POLE: variants seen among roughly 807,000 people sequenced by gnomAD.
POLE encodes the protein DNA polymerase epsilon catalytic subunit A.
Under a neutral mutation model 279.2 loss-of-function variants are expected in POLE, and 188 were observed. That is an observed-to-expected ratio of 0.67 (90% CI 0.60 to 0.76). The LOEUF is 0.76. Ranked by LOEUF, POLE falls within the 30% of genes least tolerant of loss-of-function variation. POLE has a pLI of 0.00. For missense variants in POLE, 2,703 were observed against 3,016.7 expected (o/e 0.90, Z 2.44); for synonymous variants, 1,214 against 1,172.5 (o/e 1.04, Z -0.72).
rs376101669 is a variant in POLE at position 132,672,361 on chromosome 12, A to C, written c.1687-39T>G. 1.4e-5 allele frequency: 21 copies of C among 1,497,038 alleles called. No homozygotes were observed. The highest frequency in any genetic ancestry group is 3.6e-4 in the Middle Eastern group (2 of 5,588). The allele number at this position is 1,497,038 out of a possible 1,614,324, so 92.7% of individuals were successfully genotyped here. A position where few individuals can be genotyped will look rare whatever the true frequency, so the allele number is the denominator to read the frequency against. On this transcript the variant is annotated intron_variant, in intron 15 of 48. Coordinates refer to ENST00000320574, the MANE Select transcript of POLE (RefSeq NM_006231.4). Reference sequence around the variant, plus strand: ...GAGACGACGGGGTCAGAGGGGAAACACACCCACACTAGCCTGCCTCAGGTT... The same window carrying C: ...GAGACGACGGGGTCAGAGGGGAAACCCACCCACACTAGCCTGCCTCAGGTT...
chr12:132,625,760 A>AC lies in POLE; in HGVS notation c.6541dup (p.Val2181GlyfsTer123), dbSNP rs1465327497. The AC allele has an allele frequency of 6.2e-7, 1 of 1,611,244 alleles. No individual in the cohort carries two copies. Among genetic ancestry groups the AC allele is most frequent in the Non-Finnish European group, 8.5e-7 (1 of 1,179,992 alleles). The stretch of plus-strand genomic sequence containing the variant: ...GTTGGAGCAGAGCCACTGAGGCAGG[A>AC]CCGCCCCATCCTAGGCAGAGCAAGA... On this transcript the variant is annotated frameshift_variant, in exon 47 of 49. Transcript: ENST00000320574. LOFTEE classifies it high-confidence loss of function.
chr12:132,667,604 C>T lies in POLE; in HGVS notation c.2218G>A (p.Glu740Lys), dbSNP rs1331682009. 2 of 1,614,210 alleles carry T rather than the reference C, an allele frequency of 1.2e-6. No individual in the cohort carries two copies. Among genetic ancestry groups the T allele is most frequent in the Non-Finnish European group, 1.7e-6 (2 of 1,180,018 alleles). ...AYKKIHITKV[E>K]ERLTTICQRE... ...TGGCAGATGGTGGTGAGACGCTCTT[C>T]CACCTTGGTGATGTGGATCTTCTTG... The change falls in exon 20 of 49, where the codon GAA becomes AAA. Residue 740 changes from glutamate (E) to lysine (K), a missense_variant. Glu to Lys is a moderately conservative substitution (Grantham distance 56, BLOSUM62 1). Coordinates refer to ENST00000320574, the MANE Select transcript of POLE (RefSeq NM_006231.4).
chr12:132,687,168 C>G lies in POLE; in HGVS notation c.62+86G>C, dbSNP rs915876234. 39 of 852,454 alleles carry G rather than the reference C, an allele frequency of 4.6e-5. No homozygotes were observed. The African/African-American group carries it at 6.5e-4, about 14-fold the overall frequency. The allele number at this position is 852,454 out of a possible 1,614,324, so 52.8% of individuals were successfully genotyped here. A position where few individuals can be genotyped will look rare whatever the true frequency, so the allele number is the denominator to read the frequency against. Reference sequence around the variant, plus strand: ...GGGCGGCTGCGGGAACCGGGCCTCCCTCCCGCCTCGGCGGCGCCAGCCGAG... The same window carrying G: ...GGGCGGCTGCGGGAACCGGGCCTCCGTCCCGCCTCGGCGGCGCCAGCCGAG... On this transcript the variant is annotated intron_variant, in intron 1 of 48. Transcript: ENST00000320574.
Position 132,664,564 on chromosome 12 carries a change from G to A in POLE, c.2469-102C>T. ...GAGGAGGAAAGGAGAGATGCGACAGGGACAAGGGAAGCAGCCAAATGTGCG... is the reference window on the plus strand; with the variant it reads ...GAGGAGGAAAGGAGAGATGCGACAGAGACAAGGGAAGCAGCCAAATGTGCG... On this transcript the variant is annotated intron_variant, in intron 21 of 48. Coordinates refer to ENST00000320574, the MANE Select transcript of POLE (RefSeq NM_006231.4). The surrounding 1 kb of genome is among the most constrained non-coding windows in gnomAD (Gnocchi z 5.3). 1.1e-6 allele frequency: 1 copy of A among 869,826 alleles called. No homozygotes were observed. The highest frequency in any genetic ancestry group is 1.4e-5 in the South Asian group (1 of 72,274). The allele number at this position is 869,826 out of a possible 1,614,324, so 53.9% of individuals were successfully genotyped here.
chr12:132,674,811 A>ATTCCCCTCCTTCCCTCCCTCCC (rs2043006601), intron 12 of POLE, among the ~76,000 whole-genome samples: 1 of 148,952 alleles, frequency 6.7e-6, no homozygotes, highest in African/African-American at 2.5e-5. Context: ...AGGCCCCTCC[A>ATTCCCCTCCTTCCCTCCCTCCC]TTCCCTTCCT....
intron 8 of POLE, 119 bp downstream of exon 8, chr12:132,677,244 A>C: frequency 1.3e-6 from 1 of 758,206 alleles, no homozygotes; most frequent in Non-Finnish European, 2.3e-6. Flanking sequence ...CCTTTAATAA[A>C]GTATTTGGGG....
intron 1 of POLE, among the ~76,000 whole-genome samples, chr12:132,686,391 T>C (rs909408776): frequency 2.6e-5 from 4 of 151,964 alleles, no homozygotes; most frequent in Non-Finnish European, 4.4e-5. Flanking sequence ...GGAGTATTAA[T>C]AGCTGGGACC....
chr12:132,640,635 T>C (rs2042122403), intron 39 of POLE, among the ~76,000 whole-genome samples: 1 of 152,234 alleles, frequency 6.6e-6, no homozygotes, highest in African/African-American at 2.4e-5. Flanking sequence ...ATTCCAAAAC[T>C]GCACATCACC....
intron 19 of POLE, among the ~76,000 whole-genome samples, chr12:132,668,000 C>T (rs570988302): frequency 3.9e-5 from 6 of 151,986 alleles, no homozygotes; most frequent in Admixed American, 2.6e-4. Context: ...GGAGGATTGC[C>T]GGTGCCTGGG....
chr12:132,660,700 C>T, intron 25 of POLE: 1 of 297,846 alleles, frequency 3.4e-6, no homozygotes, highest in Non-Finnish European at 6.2e-6. Flanking sequence ...AGTGATCCTC[C>T]CAAGTAGCTG....
In POLE at chr12:132,676,223, A is replaced by C; in HGVS notation, c.910-19T>G. The C allele has an allele frequency of 1.9e-6, 3 of 1,539,450 alleles. No individual in the cohort carries two copies. Among genetic ancestry groups the C allele is most frequent in the Non-Finnish European group, 2.7e-6 (3 of 1,113,642 alleles). ...GGTAGCCCTAGCCAAGTTCATTAGCAATCAGCACAAGTCAGAGGCTGCAAA... is the reference window on the plus strand; with the variant it reads ...GGTAGCCCTAGCCAAGTTCATTAGCCATCAGCACAAGTCAGAGGCTGCAAA... On this transcript the variant is annotated intron_variant, in intron 9 of 48. Transcript: ENST00000320574.
At chr12:132,644,055 T>C in intron 32 of POLE, 78 bp from the exon 33 acceptor site, 2 of 1,441,880 alleles carry the variant, frequency 1.4e-6, no homozygotes, top group Non-Finnish European at 1.8e-6. Context: ...GCACACGCTA[T>C]TCGGAGTCCT....
At chr12:132,641,287 G>A (rs746372025) in intron 39 of POLE, 49 of 381,102 alleles carry the variant, frequency 1.3e-4, no homozygotes, top group Non-Finnish European at 2.3e-4. Context: ...CAGACCGACG[G>A]CTCCTGACAC....
intron 23 of POLE, 67 bp downstream of exon 23, chr12:132,663,937 A>T: frequency 6.4e-7 from 1 of 1,558,716 alleles, no homozygotes; most frequent in Non-Finnish European, 8.8e-7. Context: ...GGTGCTGCAG[A>T]GCCAGTGACA....
rs1050214817 is a variant in POLE, at chr12:132,637,522, T to C, written c.5678+492A>G. On this transcript the variant is annotated intron_variant, in intron 41 of 48. Coordinates refer to ENST00000320574, the MANE Select transcript of POLE (RefSeq NM_006231.4). ...AGTGTGTGAGAAGCACAGCAAGGCCTAGGAGGGAACCTCAGGAACATGGCC... is the reference window on the plus strand; with the variant it reads ...AGTGTGTGAGAAGCACAGCAAGGCCCAGGAGGGAACCTCAGGAACATGGCC... Among the ~76,000 whole-genome samples, 6 of 152,330 alleles carry C rather than the reference T, an allele frequency of 3.9e-5. No homozygotes were observed. In the East Asian group the frequency reaches 1.2e-3, roughly 29 times the overall value.
rs5744963 is a variant in POLE at position 132,639,538 on chromosome 12, T to TCCCTCAACACGA, written c.5379-241_5379-240insTCGTGTTGAGGG. ...TTAAACTTGTTCAGGCTTCACCGCA[T>TCCCTCAACACGA]CCCAAACTCTGTGTGTTCTAAAGCA... On this transcript the variant is annotated intron_variant, in intron 39 of 48. Transcript: ENST00000320574. The surrounding 1 kb of genome is among the most constrained non-coding windows in gnomAD (Gnocchi z 4.7). 6.6e-6 allele frequency among the ~76,000 whole-genome samples: 1 copy of TCCCTCAACACGA among 151,720 alleles called. No individual in the cohort carries two copies. The highest frequency in any genetic ancestry group is 1.9e-4 in the East Asian group (1 of 5,156).
chr12:132,624,909 GTGTGGA>G lies in POLE; in HGVS notation c.6737_6742del (p.Ile2246_His2247del), dbSNP rs1159945822. 1 of 1,612,564 alleles carries G rather than the reference GTGTGGA, an allele frequency of 6.2e-7. No individual in the cohort carries two copies. The highest frequency in any genetic ancestry group is 8.5e-7 in the Non-Finnish European group (1 of 1,178,560). ...GGCAGATGAGGGAGAGCCCACCTGG[GTGTGGA>G]TGGTGAGGGCGAAGTCTCCCGCGCA... On this transcript the variant is annotated inframe_deletion, in exon 48 of 49. Transcript: ENST00000320574.
chr12:132,666,766 G>A (rs2042806366), intron 20 of POLE, among the ~76,000 whole-genome samples: 1 of 152,176 alleles, frequency 6.6e-6, no homozygotes, highest in Non-Finnish European at 1.5e-5. Context: ...CGTTTCAGAA[G>A]GCGAAGAATT....
chr12:132,643,888 C>G lies in POLE; in HGVS notation c.4239G>C (p.Glu1413Asp), dbSNP rs1361926660. ...PEDMYQEHIN[E>D]INAELSAPDI... Reference sequence around the variant, plus strand: ...CTGGCGCTGACAGCTCAGCGTTGATCTCGTTGATGTGTTCCTGGTACATGT... The same window carrying G: ...CTGGCGCTGACAGCTCAGCGTTGATGTCGTTGATGTGTTCCTGGTACATGT... The change falls in exon 33 of 49, where the codon GAG becomes GAC. Residue 1413 changes from glutamate to aspartate, a missense_variant. By Grantham distance (45) the Glu-to-Asp change is conservative. Coordinates refer to ENST00000320574, the MANE Select transcript of POLE (RefSeq NM_006231.4). 4 of 1,614,208 alleles carry G rather than the reference C, an allele frequency of 2.5e-6. No homozygotes were observed. Among genetic ancestry groups the G allele is most frequent in the Admixed American group, 1.7e-5 (1 of 60,020 alleles).
Sources: allele counts gnomAD v4.1 joint callset (sites outside exome capture counted in the v4.1 genomes callset), GRCh38; gene constraint gnomAD v4.1.1; non-coding constraint Gnocchi (gnomAD v3.1); transcripts MANE v1.5; gene names NCBI Gene and HGNC (gene_info 2026-07-23, HGNC 2026-07-21).